Variants in TTC6 observed in about 807,000 individuals in gnomAD.
The protein encoded by TTC6 is tetratricopeptide repeat protein 6.
TTC6 carries 172 observed loss-of-function variants against 210.4 expected under a neutral mutation model. The observed-to-expected ratio is 0.82, with a 90% CI of 0.72 to 0.93. The LOEUF (loss-of-function observed/expected upper bound fraction) is 0.93. Ranked by LOEUF, TTC6 falls within the 40% of genes least tolerant of loss-of-function variation. The pLI is 0.00. For missense variants in TTC6, 2,414 were observed against 2,318.1 expected, an observed-to-expected ratio of 1.04 and a Z score of -0.85; for synonymous variants, 804 against 819.6, an observed-to-expected ratio of 0.98 and a Z score of 0.32.
intron 14 of TTC6, among the ~76,000 whole-genome samples, chr14:37,756,479 T>C (rs1413476293): frequency 6.6e-6 from 1 of 152,196 alleles, no homozygotes; most frequent in African/African-American, 2.4e-5. Context: ...ATATATATTA[T>C]GGGTTTGTCA....
intron 14 of TTC6, among the ~76,000 whole-genome samples, chr14:37,762,772 G>A (rs147542685): frequency 6.6e-6 from 1 of 151,934 alleles, no homozygotes; most frequent in African/African-American, 2.4e-5. Context: ...CAATTTATGT[G>A]GTATATTACA....
intron 6 of TTC6, 42 bp from the exon 9 acceptor site, chr14:37,724,856 A>G (rs1595154769): frequency 8.1e-7 from 1 of 1,228,014 alleles, no homozygotes; most frequent in Non-Finnish European, 1.1e-6. Context: ...TCTCAAGGCC[A>G]TTTCTTACCA....
chr14:37,809,282 T>G (rs1406256236), intron 24 of TTC6, among the ~76,000 whole-genome samples: 1 of 135,668 alleles, frequency 7.4e-6, no homozygotes, highest in Admixed American at 8.3e-5. Flanking sequence ...AGACGGAGAC[T>G]CACTCTGTTG....
At chr14:37,714,773 C>T (rs948903004) in exon 6 of TTC6, 15 of 1,535,292 alleles carry the variant, frequency 9.8e-6, no homozygotes, top group Non-Finnish European at 1.3e-5. Flanking sequence ...TCACAAACCA[C>T]ACTTGGAAGT....
chr14:37,619,981 C>T (rs770081370), upstream of TTC6, among the ~76,000 whole-genome samples: 3 of 152,048 alleles, frequency 2.0e-5, no homozygotes, highest in Middle Eastern at 6.3e-3. Context: ...TTAGTTGAAT[C>T]TTTCTTCAAT....
chr14:37,596,199 C>T (rs997936933), intron 1 of TTC6, 191 bp downstream of exon 1: 15 of 152,538 alleles, frequency 9.8e-5, no homozygotes, highest in Non-Finnish European at 1.9e-4. Flanking sequence ...CTCCCGCCCC[C>T]CTTCAGCCGC....
exon 10 of TTC6, chr14:37,739,000 T>A: frequency 6.5e-7 from 1 of 1,535,592 alleles, no homozygotes; most frequent in Non-Finnish European, 8.7e-7. Flanking sequence ...GTTTGAGAAA[T>A]CTCTCTTTGA....
chr14:37,733,687 G>T lies in TTC6; in HGVS notation c.1819-2234G>T, dbSNP rs564005352. Among the ~76,000 whole-genome samples the T allele has an allele frequency of 1.6e-4, 24 of 152,170 alleles. No homozygotes were observed. The South Asian group carries it at 5.0e-3, about 32-fold the overall frequency. ...TATAGTTTCACTATGATGTGTCTAG[G>T]TGTGTATTTCTTTTTATTTATCACA... On this transcript the variant is annotated intron_variant, in intron 7 of 30. Transcript: ENST00000553443.
chr14:37,626,927 C>T (rs760589380), intron 1 of TTC6, among the ~76,000 whole-genome samples: 25 of 152,282 alleles, frequency 1.6e-4, no homozygotes, highest in Non-Finnish European at 2.4e-4. Context: ...AATATAATTT[C>T]GGTATTTGTT....
upstream of TTC6, among the ~76,000 whole-genome samples, chr14:37,618,775 C>T (rs992662941): frequency 6.6e-6 from 1 of 152,146 alleles, no homozygotes; most frequent in Non-Finnish European, 1.5e-5. Context: ...GAAAGAGCAA[C>T]TTTCCTGTTA....
intron 2 of TTC6, among the ~76,000 whole-genome samples, chr14:37,614,205 C>A (rs2095639038): frequency 6.6e-6 from 1 of 152,012 alleles, no homozygotes; most frequent in Non-Finnish European, 1.5e-5. Flanking sequence ...TTTTGTTTTT[C>A]ATTTCCTTAC....
upstream of TTC6, among the ~76,000 whole-genome samples, chr14:37,617,809 G>A (rs1460677871): frequency 1.3e-5 from 2 of 152,302 alleles, no homozygotes; most frequent in South Asian, 2.1e-4. Flanking sequence ...TTAGTACTGT[G>A]CATTGGAAAT....
chr14:37,673,157 A>G lies in TTC6; in HGVS notation c.940-6994A>G, dbSNP rs150794168. 2.5e-3 allele frequency among the ~76,000 whole-genome samples: 387 copies of G among 152,224 alleles called. 2 individuals carry two copies. Among genetic ancestry groups the G allele is most frequent in the African/African-American group, 8.9e-3 (370 of 41,558 alleles). On this transcript the variant is annotated intron_variant, in intron 1 of 30. Coordinates refer to ENST00000553443, the Ensembl canonical transcript of TTC6. ...ATACAGGGTCCAGTCACCCAGAACA[A>G]TCATATAAATGTTTAATTTAAAGAG... is the stretch of plus-strand genomic sequence containing the variant.
intron 20 of TTC6, among the ~76,000 whole-genome samples, chr14:37,802,782 G>C (rs1325126328): frequency 6.6e-6 from 1 of 150,464 alleles, no homozygotes; most frequent in Non-Finnish European, 1.5e-5. Flanking sequence ...CACCCAGCTG[G>C]AGTGCAGTGG....
exon 1 of TTC6, chr14:37,595,966 G>T (rs957187142): frequency 6.6e-6 from 1 of 152,272 alleles, no homozygotes; most frequent in Non-Finnish European, 1.5e-5. Flanking sequence ...GGCTAGCAGA[G>T]CGGAGGCGCT....
intron 2 of TTC6, among the ~76,000 whole-genome samples, chr14:37,611,800 G>C (rs1998125): frequency 1.3e-5 from 2 of 151,922 alleles, no homozygotes; most frequent in Non-Finnish European, 2.9e-5. Context: ...TCAACCACCA[G>C]TAGGTGGTTG....
At chr14:37,824,342 G>A (rs1052439506) in intron 27 of TTC6, among the ~76,000 whole-genome samples, 3 of 152,160 alleles carry the variant, frequency 2.0e-5, no homozygotes, top group Non-Finnish European at 2.9e-5. Context: ...GTTTTGTCCT[G>A]TTGCATTAGT....
chr14:37,701,286 G>T, intron 4 of TTC6, 46 bp from the exon 7 acceptor site: 1 of 1,298,168 alleles, frequency 7.7e-7, no homozygotes, highest in Admixed American at 3.5e-5. Flanking sequence ...TATATCTAAA[G>T]TCCACAAAAT....
intron 1 of TTC6, among the ~76,000 whole-genome samples, chr14:37,669,986 G>A (rs1009740814): frequency 7.9e-5 from 12 of 152,076 alleles, no homozygotes; most frequent in African/African-American, 2.9e-4. Flanking sequence ...TGGAGGAGAT[G>A]GAATTTAGTA....
Sources: gnomAD v4.1 joint callset for allele counts (sites outside exome capture counted in the v4.1 genomes callset) on GRCh38, gnomAD v4.1.1 for gene constraint, MANE v1.5 for transcripts, NCBI Gene and HGNC (gene_info 2026-07-23, HGNC 2026-07-21) for gene names.